The following FN1 variants were observed in gnomAD, a reference collection of about 807,000 sequenced individuals.
FN1 encodes fibronectin 1.
Under a neutral mutation model 297.3 loss-of-function variants are expected in FN1, and 106 were observed. The ratio of observed to expected loss-of-function variants is 0.36; its 90% CI spans 0.30 to 0.42. FN1 has a LOEUF of 0.42. FN1 is among the 10% of genes least tolerant of loss of function. The pLI is 1.00. For synonymous variants in FN1, 1,149 were observed against 1,152.6 expected (o/e 1.00, Z 0.06); for missense variants, 2,690 against 3,124.9 (o/e 0.86, Z 3.32).
chr2:215,379,004 A>G (rs1050325301), intron 34 of FN1, 126 bp downstream of exon 34: 8 of 930,576 alleles, frequency 8.6e-6, no homozygotes, highest in South Asian at 1.4e-5. Context: ...TAAAATTACA[A>G]TAAGATTATT....
At position 215,384,904 on chromosome 2, in the gene FN1, G is replaced by C. The variant is rs2058702378; in HGVS notation, c.4685C>G (p.Pro1562Arg). The C allele has an allele frequency of 6.2e-7, 1 of 1,613,810 alleles. No individual in the cohort carries two copies. Among genetic ancestry groups the C allele is most frequent in the African/African-American group, 1.3e-5 (1 of 74,882 alleles). Residue 1562 changes from proline to arginine, a missense_variant, in exon 29 of 46, where the codon CCT (proline) becomes CGT (arginine). Physicochemically the swap from Pro to Arg is moderately radical, Grantham distance 103. Transcript: ENST00000354785. The part of the protein sequence containing the change: ...PTSLLISWDA[P>R]AVTVRYYRIT... ...CCTGTAATATCTCACTGTGACAGCAGGAGCATCCCAGCTGATCAGTAGGCT... is the reference window on the plus strand; with the variant it reads ...CCTGTAATATCTCACTGTGACAGCACGAGCATCCCAGCTGATCAGTAGGCT...
chr2:215,386,837 G>T lies in FN1; in HGVS notation c.4464C>A (p.Phe1488Leu). 1.2e-6 allele frequency: 2 copies of T among 1,614,062 alleles called. No individual in the cohort carries two copies. Among genetic ancestry groups the T allele is most frequent in the African/African-American group, 1.3e-5 (1 of 75,034 alleles). ...CCCGATCTTCTCGAGGTCTCCCACT[G>T]AAGTGCTCGGGATGATGGCGGATCC... Reference protein sequence around the residue: ...GYRIRHHPEHFSGRPREDRVP... With the variant: ...GYRIRHHPEHLSGRPREDRVP... Residue 1488 changes from phenylalanine to leucine, a missense_variant, in exon 28 of 46, where the codon TTC (phenylalanine) becomes TTA (leucine). By Grantham distance (22) the Phe-to-Leu change is conservative. Around this residue, in one of 3 missense-constraint regions of FN1, gnomAD observed 1,743 missense variants for 1,945.2 expected, o/e 0.90. Coordinates refer to ENST00000354785, the MANE Select transcript of FN1 (RefSeq NM_212482.4).
intron 13 of FN1, among the ~76,000 whole-genome samples, chr2:215,410,628 C>G (rs1004800007): frequency 6.6e-6 from 1 of 152,062 alleles, no homozygotes; most frequent in African/African-American, 2.4e-5. Context: ...CTGCCTCAGC[C>G]TCCCGAGTAG....
intron 12 of FN1, among the ~76,000 whole-genome samples, chr2:215,416,397 C>G (rs1039161089): frequency 6.6e-6 from 1 of 152,116 alleles, no homozygotes. Flanking sequence ...CAATTCCATG[C>G]CTATCTTTGA....
intron 28 of FN1, 37 bp downstream of exon 28, chr2:215,386,652 A>G: frequency 6.3e-7 from 1 of 1,599,138 alleles, no homozygotes. Context: ...CTGGGTAGGA[A>G]AGTCTTCTGA....
intron 26 of FN1, 81 bp downstream of exon 26, chr2:215,391,551 G>T: frequency 8.0e-7 from 1 of 1,249,636 alleles, no homozygotes; most frequent in Non-Finnish European, 1.2e-6. Context: ...CTTGCTCTTA[G>T]CTCCTCCTAC....
At chr2:215,426,937 G>A (rs960006013) in intron 6 of FN1, among the ~76,000 whole-genome samples, 2 of 151,652 alleles carry the variant, frequency 1.3e-5, no homozygotes, top group Non-Finnish European at 2.9e-5. Context: ...GTGCAGTGGT[G>A]CGATCTCGGG....
chr2:215,430,090 A>C (rs898138910), intron 5 of FN1, among the ~76,000 whole-genome samples: 1 of 152,232 alleles, frequency 6.6e-6, no homozygotes, highest in Non-Finnish European at 1.5e-5. Flanking sequence ...AAGGTAGTTA[A>C]ATGGGTTCAG....
At chr2:215,420,883 A>G in intron 10 of FN1, 82 bp from the exon 11 acceptor site, 1 of 1,241,806 alleles carries the variant, frequency 8.1e-7, no homozygotes, top group Non-Finnish European at 1.2e-6. Context: ...CTCAAAGCAT[A>G]CAACTACTTC....
At chr2:215,406,114 C>T in intron 19 of FN1, 124 bp downstream of exon 19, 1 of 990,762 alleles carries the variant, frequency 1.0e-6, no homozygotes, top group Non-Finnish European at 1.6e-6. Context: ...CATTCCCTTG[C>T]CGGCTGGGTA....
chr2:215,411,706 G>T (rs1278281205), intron 13 of FN1, among the ~76,000 whole-genome samples: 1 of 136,056 alleles, frequency 7.3e-6, no homozygotes. Context: ...CGCTCTTGTT[G>T]CCCAGGCTGG....
At position 215,380,738 on chromosome 2, in the gene FN1, G is replaced by C. The variant is rs564403724; in HGVS notation, c.5434+73C>G. On this transcript the variant is annotated intron_variant, in intron 33 of 45. Transcript: ENST00000354785. ...CTTACACGGGAATCAATAGCCCAGT[G>C]AAGCATAATTCATTCAGTAGGGCAT... 16 of 1,528,808 alleles carry C rather than the reference G, an allele frequency of 1.0e-5. No individual in the cohort carries two copies. In the Admixed American group the frequency reaches 1.5e-4, roughly 14 times the overall value. The allele number at this position is 1,528,808 out of a possible 1,614,324, so 94.7% of individuals were successfully genotyped here.
chr2:215,414,916 C>T lies in FN1; in HGVS notation c.1862G>A (p.Ser621Asn). The change falls in exon 13 of 46, where the codon AGT (serine) becomes AAT (asparagine). Residue 621 changes from serine (S) to asparagine (N), a missense_variant. This residue lies in a region of FN1 where 876 missense variants were observed against 1,058.1 expected (regional missense o/e 0.83). Coordinates refer to ENST00000354785, the MANE Select transcript of FN1 (RefSeq NM_212482.4). Reference sequence around the variant, plus strand: ...CTGGATGGGGTGGGAGTTGGGCTGACTCGGAGTCTCAGTGATAAATACTTC... The same window carrying T: ...CTGGATGGGGTGGGAGTTGGGCTGATTCGGAGTCTCAGTGATAAATACTTC... ...PVEVFITETP[S>N]QPNSHPIQWN... is the part of the protein sequence containing the mutation. 2 of 1,613,922 alleles carry T rather than the reference C, an allele frequency of 1.2e-6. No individual in the cohort carries two copies. Among genetic ancestry groups the T allele is most frequent in the Middle Eastern group, 3.3e-4 (2 of 6,044 alleles).
intron 12 of FN1, 72 bp downstream of exon 12, chr2:215,419,170 G>A (rs2063847409): frequency 1.5e-6 from 2 of 1,335,554 alleles, no homozygotes; most frequent in South Asian, 1.2e-5. Context: ...AGGCATGAGA[G>A]CATTAATAAT....
At chr2:215,402,729 A>G (rs1255146586) in intron 20 of FN1, among the ~76,000 whole-genome samples, 2 of 152,204 alleles carry the variant, frequency 1.3e-5, no homozygotes, top group Admixed American at 6.5e-5. Context: ...AAAGCATACA[A>G]TGTTCCAGAC....
chr2:215,383,516 C>T (rs1362001046), intron 30 of FN1, 33 bp from the exon 31 acceptor site: 7 of 1,612,900 alleles, frequency 4.3e-6, no homozygotes, highest in South Asian at 1.1e-5. Flanking sequence ...ACCAGTGAAG[C>T]CCCAGTCCTT....
chr2:215,435,570 G>A, intron 1 of FN1, 85 bp downstream of exon 1: 2 of 1,576,000 alleles, frequency 1.3e-6, no homozygotes, highest in Admixed American at 1.7e-5. Context: ...ACACACGCGC[G>A]CGCACAAAAC....
At chr2:215,363,969 G>A (rs1002430050) in intron 44 of FN1, among the ~76,000 whole-genome samples, 70 of 152,052 alleles carry the variant, frequency 4.6e-4, no homozygotes, top group African/African-American at 1.6e-3. Flanking sequence ...AGCCCACCTG[G>A]GCCAGCTCCT....
intron 20 of FN1, 30 bp from the exon 21 acceptor site, chr2:215,399,381 A>G: frequency 1.4e-6 from 2 of 1,433,452 alleles, no homozygotes; most frequent in Admixed American, 3.3e-5. Flanking sequence ...CACATATTCA[A>G]AACTCAAACT....
Sources: gnomAD v4.1 joint callset for allele counts (sites outside exome capture counted in the v4.1 genomes callset) on GRCh38, gnomAD v4.1.1 for gene constraint, gnomAD v4.1.1 regional missense constraint, MANE v1.5 for transcripts, NCBI Gene and HGNC (gene_info 2026-07-23, HGNC 2026-07-21) for gene names.